RELN: variants seen among roughly 807,000 people sequenced by gnomAD.
The protein encoded by RELN is reelin.
A neutral mutation model predicts 427.6 loss-of-function variants in RELN; 108 were observed. That is an observed-to-expected ratio of 0.25 (90% CI 0.22 to 0.30). The LOEUF is 0.30. Ranked by LOEUF, RELN falls within the 10% of genes least tolerant of loss-of-function variation. The pLI is 1.00. For synonymous variants in RELN, 1,524 were observed against 1,513.4 expected (o/e 1.01, Z -0.16); for missense variants, 3,715 against 4,302.8 (o/e 0.86, Z 3.82).
chr7:103,804,618 G>A (rs149978902), intron 3 of RELN, among the ~76,000 whole-genome samples: 42 of 152,234 alleles, frequency 2.8e-4, no homozygotes, highest in African/African-American at 7.7e-4. Flanking sequence ...CACTGGCTGG[G>A]TATCCACAAA....
chr7:103,941,911 A>G (rs945083457), intron 1 of RELN, among the ~76,000 whole-genome samples: 1 of 151,782 alleles, frequency 6.6e-6, no homozygotes, highest in African/African-American at 2.4e-5. Context: ...AATAAAGCTG[A>G]CATGTACATC....
At chr7:103,594,596 G>C in intron 25 of RELN, 104 bp from the exon 26 acceptor site, 1 of 1,233,600 alleles carries the variant, frequency 8.1e-7, no homozygotes, top group Non-Finnish European at 1.2e-6. Context: ...AGTTTTGTTT[G>C]GTTTGATCTC....
intron 1 of RELN, among the ~76,000 whole-genome samples, chr7:103,949,141 TTTAG>T (rs1378479993): frequency 1.3e-5 from 2 of 151,974 alleles, no homozygotes; most frequent in South Asian, 2.1e-4. Flanking sequence ...ACATTGCATT[TTTAG>T]TTAGTTTAAA....
At chr7:103,578,939 A>C (rs894908003) in intron 28 of RELN, among the ~76,000 whole-genome samples, 1 of 152,228 alleles carries the variant, frequency 6.6e-6, no homozygotes, top group Non-Finnish European at 1.5e-5. Flanking sequence ...AAAAATATGA[A>C]AAAGGAAGGT....
Position 103,683,745 on chromosome 7 carries a change from CTCT to C in RELN, c.1144-1487_1144-1485del, listed in dbSNP as rs560317563. 6.0e-4 allele frequency among the ~76,000 whole-genome samples: 91 copies of C among 152,216 alleles called. 1 individual carries two copies. The East Asian group carries it at 0.016, about 27-fold the overall frequency. On this transcript the variant is annotated intron_variant, in intron 10 of 64. Transcript: ENST00000428762. ...AGGGAAGTATTGCTCTTTGAAAATT[CTCT>C]TCTTTAGAGTCTTAATAGACTGACA...
At chr7:103,482,144 A>G (rs918066503) in intron 63 of RELN, 4 of 152,200 alleles carry the variant, frequency 2.6e-5, no homozygotes, top group African/African-American at 9.7e-5. Context: ...GACTGATTTC[A>G]TTTTGGATTT....
intron 19 of RELN, among the ~76,000 whole-genome samples, chr7:103,634,726 TATATA>T (rs1466534521): frequency 2.3e-4 from 35 of 152,040 alleles, no homozygotes; most frequent in African/African-American, 3.1e-4. Flanking sequence ...TTATAAGATA[TATATA>T]ATATAATTTA....
chr7:103,890,481 T>G (rs1584337150), intron 2 of RELN, among the ~76,000 whole-genome samples: 1 of 152,170 alleles, frequency 6.6e-6, no homozygotes, highest in African/African-American at 2.4e-5. Flanking sequence ...TATTGTGAAC[T>G]GCGCATGCAA....
chr7:103,904,788 C>A (rs1478820276), intron 2 of RELN, among the ~76,000 whole-genome samples: 1 of 152,030 alleles, frequency 6.6e-6, no homozygotes, highest in African/African-American at 2.4e-5. Context: ...ACAAGAGAAT[C>A]TTCCTTAATC....
intron 1 of RELN, among the ~76,000 whole-genome samples, chr7:103,944,825 G>T (rs115574075): frequency 6.6e-6 from 1 of 152,078 alleles, no homozygotes; most frequent in East Asian, 1.9e-4. Context: ...CACTGGCTAC[G>T]CTTTGGGTGT....
intron 3 of RELN, among the ~76,000 whole-genome samples, chr7:103,797,028 T>C (rs1286317584): frequency 6.6e-6 from 1 of 152,166 alleles, no homozygotes; most frequent in Admixed American, 6.5e-5. Context: ...TATTAATTGA[T>C]CTCTCCGTAA....
chr7:103,551,485 A>T (rs1830409577), intron 40 of RELN, among the ~76,000 whole-genome samples, 189 bp from the exon 41 acceptor site: 1 of 152,196 alleles, frequency 6.6e-6, no homozygotes, highest in African/African-American at 2.4e-5. Context: ...ATTTTTCATA[A>T]AGAACCTCAA....
At chr7:103,633,658 C>A (rs78852766) in intron 19 of RELN, among the ~76,000 whole-genome samples, 3,011 of 152,126 alleles carry the variant, frequency 0.02, 112 homozygotes, top group African/African-American at 0.069. Context: ...CGCGCCTTTG[C>A]AATAGCACAT....
chr7:103,663,312 C>A (rs769334246), intron 11 of RELN, among the ~76,000 whole-genome samples: 4 of 152,052 alleles, frequency 2.6e-5, no homozygotes, highest in Non-Finnish European at 4.4e-5. Flanking sequence ...GTCCTGAGAC[C>A]CTAGCACAGT....
At position 103,566,251 on chromosome 7, in the gene RELN, T is replaced by C; in HGVS notation, c.4909A>G (p.Thr1637Ala). ...QVDIDCLSMD[T>A]ALIFTENIGK... The stretch of plus-strand genomic sequence containing the variant: ...ATGTTTTCAGTGAATATCAGAGCAG[T>C]ATCCATAGAGAGACAGTCAATATCA... Residue 1637 changes from threonine to alanine, a missense_variant, in exon 33 of 65, where the codon ACT becomes GCT. Transcript: ENST00000428762. The C allele has an allele frequency of 6.2e-7, 1 of 1,613,806 alleles. No individual in the cohort carries two copies. The highest frequency in any genetic ancestry group is 2.2e-5 in the East Asian group (1 of 44,874).
rs558556714 is a variant in RELN at position 103,565,655 on chromosome 7, C to A, written c.4937-104G>T. On this transcript the variant is annotated intron_variant, in intron 33 of 64. Transcript: ENST00000428762. ...TTCAATAGCAAACAAAAATCATGGC[C>A]TATCTTTAGTGCCCCCTATGTGCTT... 98 of 1,112,996 alleles carry A rather than the reference C, an allele frequency of 8.8e-5. No individual in the cohort carries two copies. The African/African-American group carries it at 1.3e-3, about 15-fold the overall frequency. 68.9% of individuals were successfully genotyped at this position (1,112,996 alleles called of 1,614,324 possible). A position where few individuals can be genotyped will look rare whatever the true frequency, so the allele number is the denominator to read the frequency against.
chr7:103,693,645 T>C (rs1833918415), intron 10 of RELN, among the ~76,000 whole-genome samples: 1 of 152,018 alleles, frequency 6.6e-6, no homozygotes, highest in African/African-American at 2.4e-5. Context: ...GAATTATAAG[T>C]GAGGGATTTT....
chr7:103,640,418 AAT>A lies in RELN; in HGVS notation c.2069+123_2069+124del. The A allele has an allele frequency of 1.1e-6, 1 of 892,072 alleles. No individual in the cohort carries two copies. Among genetic ancestry groups the A allele is most frequent in the Non-Finnish European group, 1.8e-6 (1 of 550,032 alleles). The allele number at this position is 892,072 out of a possible 1,614,324, so 55.3% of individuals were successfully genotyped here. On this transcript the variant is annotated intron_variant, in intron 17 of 64. Transcript: ENST00000428762. This position sits in a 1 kb window ranked among gnomAD's most constrained non-coding sequence, Gnocchi z 4.1. ...TGAATTACACTTAAGTTCTAATAGA[AAT>A]ATCCAACTTTTTGTCTTAAAAAGAT...
chr7:103,818,390 T>C (rs1792932319), intron 3 of RELN, among the ~76,000 whole-genome samples: 1 of 152,208 alleles, frequency 6.6e-6, no homozygotes, highest in African/African-American at 2.4e-5. Context: ...GATGACTGAG[T>C]AATCAGAATA....
Sources: gnomAD v4.1 joint callset for allele counts (sites outside exome capture counted in the v4.1 genomes callset) on GRCh38, gnomAD v4.1.1 for gene constraint, Gnocchi (gnomAD v3.1) non-coding constraint, MANE v1.5 for transcripts, NCBI Gene and HGNC (gene_info 2026-07-23, HGNC 2026-07-21) for gene names.